Variants in ZFYVE26 observed in about 807,000 individuals in gnomAD.
ZFYVE26 encodes zinc finger FYVE-type containing 26.
A neutral mutation model predicts 276.5 loss-of-function variants in ZFYVE26; 181 were observed. The ratio of observed to expected loss-of-function variants is 0.65; its 90% CI spans 0.58 to 0.74. The LOEUF (loss-of-function observed/expected upper bound fraction) is 0.74, where lower values mean the gene tolerates loss of function less well. Among genes scored for constraint, ZFYVE26 ranks in the 30% least tolerant of loss-of-function variants. ZFYVE26 has a pLI of 0.00. For missense variants in ZFYVE26, 2,821 were observed against 3,097.9 expected, an observed-to-expected ratio of 0.91 and a Z score of 2.12; for synonymous variants, 1,129 against 1,203.1, an observed-to-expected ratio of 0.94 and a Z score of 1.27.
intron 10 of ZFYVE26, among the ~76,000 whole-genome samples, chr14:67,800,272 A>G (rs1327394645): frequency 6.6e-6 from 1 of 152,234 alleles, no homozygotes; most frequent in Non-Finnish European, 1.5e-5. Flanking sequence ...AGGGGAAAAC[A>G]ATAGCCCTGG....
intron 19 of ZFYVE26, 43 bp from the exon 20 acceptor site, chr14:67,784,479 G>C: frequency 6.4e-7 from 1 of 1,561,564 alleles, no homozygotes; most frequent in Non-Finnish European, 8.8e-7. Flanking sequence ...ACCACTGACT[G>C]CAAGAGTTCA....
chr14:67,769,186 T>G (rs2039137449), intron 29 of ZFYVE26, among the ~76,000 whole-genome samples: 1 of 152,210 alleles, frequency 6.6e-6, no homozygotes, highest in African/African-American at 2.4e-5. Flanking sequence ...AATGACTACC[T>G]AGATCAGAGT....
intron 13 of ZFYVE26, among the ~76,000 whole-genome samples, chr14:67,738,378 C>G (rs1043598999): frequency 3.4e-5 from 5 of 147,796 alleles, no homozygotes; most frequent in Non-Finnish European, 6.0e-5. Context: ...TAAATATATA[C>G]TTATAAAATA....
chr14:67,783,027 C>G lies in ZFYVE26; in HGVS notation c.4125G>C (p.Glu1375Asp). ...LFEAFLLAAW[E>D]PLRGSLQQGQ... ...CCTGCTGCAAAGACCCTCGCAGGGG[C>G]TCCCAGGCAGCCAGGAGGAAGGCCT... Residue 1375 changes from glutamate (E) to aspartate (D), a missense_variant, in exon 21 of 42, where the codon GAG (glutamate) becomes GAC (aspartate). Coordinates refer to ENST00000347230, the MANE Select transcript of ZFYVE26 (RefSeq NM_015346.4). 1 of 1,614,216 alleles carries G rather than the reference C, an allele frequency of 6.2e-7. No homozygotes were observed. The highest frequency in any genetic ancestry group is 8.5e-7 in the Non-Finnish European group (1 of 1,180,042).
chr14:67,802,644 C>T (rs1029239784), intron 9 of ZFYVE26, among the ~76,000 whole-genome samples: 1 of 151,992 alleles, frequency 6.6e-6, no homozygotes, highest in African/African-American at 2.4e-5. Flanking sequence ...CTCTTTTTTG[C>T]CTTTTTGAAG....
intron 32 of ZFYVE26, among the ~76,000 whole-genome samples, chr14:67,763,949 C>T (rs904477896): frequency 6.6e-6 from 1 of 152,120 alleles, no homozygotes; most frequent in African/African-American, 2.4e-5. Context: ...CTGGTCAGTG[C>T]ACAGGCCACA....
intron 35 of ZFYVE26, among the ~76,000 whole-genome samples, chr14:67,758,064 G>C (rs1241225714): frequency 6.6e-6 from 1 of 152,090 alleles, no homozygotes; most frequent in African/African-American, 2.4e-5. Context: ...AATAGTCCTT[G>C]GCTATTTAAT....
chr14:67,762,671 C>T lies in ZFYVE26; in HGVS notation c.6159+1G>A, dbSNP rs896655703. The T allele has an allele frequency of 7.4e-6, 12 of 1,613,416 alleles. No homozygotes were observed. Among genetic ancestry groups the T allele is most frequent in the Non-Finnish European group, 8.5e-6 (10 of 1,180,026 alleles). On this transcript the variant is annotated splice_donor_variant, in intron 33 of 41. Coordinates refer to ENST00000347230, the MANE Select transcript of ZFYVE26 (RefSeq NM_015346.4). LOFTEE classifies it high-confidence loss of function. ...AAGCTTTGTCTTTGTCTTTGTCTCACCTCAACGCCCAGTTGGTAGTACTCG... is the reference window on the plus strand; with the variant it reads ...AAGCTTTGTCTTTGTCTTTGTCTCATCTCAACGCCCAGTTGGTAGTACTCG...
rs567091417 is a variant in ZFYVE26, at chr14:67,773,374, G to A, written c.5321-1164C>T. On this transcript the variant is annotated intron_variant, in intron 27 of 41. Transcript: ENST00000347230. ...GAGACCAGCCTAGGCAACAAAGCAA[G>A]ATCCTGTCTCTACAAAAAATAAAAT... Among the ~76,000 whole-genome samples, 8 of 151,996 alleles carry A rather than the reference G, an allele frequency of 5.3e-5. No individual in the cohort carries two copies. In the South Asian group the frequency reaches 1.2e-3, roughly 24 times the overall value.
At chr14:67,769,828 C>T (rs1443352591) in intron 28 of ZFYVE26, 98 bp from the exon 29 acceptor site, 2 of 1,538,892 alleles carry the variant, frequency 1.3e-6, no homozygotes, top group Admixed American at 1.7e-5. Context: ...GTGGCTTATA[C>T]TTTCTAAGAA....
chr14:67,733,612 T>C (rs1246018461), intron 13 of ZFYVE26: 1 of 632,088 alleles, frequency 1.6e-6, no homozygotes, highest in East Asian at 3.3e-5. Context: ...GAGTGCATTT[T>C]GTATAATTAG....
chr14:67,753,247 G>A (rs2038695576), intron 39 of ZFYVE26, among the ~76,000 whole-genome samples: 1 of 152,130 alleles, frequency 6.6e-6, no homozygotes, highest in African/African-American at 2.4e-5. Flanking sequence ...TGGTCTCAGT[G>A]CCCTGCTCCA....
intron 2 of ZFYVE26, 122 bp from the exon 3 acceptor site, chr14:67,814,186 T>G: frequency 2.6e-6 from 2 of 776,304 alleles, no homozygotes; most frequent in Non-Finnish European, 4.5e-6. Flanking sequence ...GACACTGCCC[T>G]AATGAGATAT....
chr14:67,802,125 G>T lies in ZFYVE26; in HGVS notation c.1593C>A (p.Asp531Glu), dbSNP rs1474271581. 3.7e-6 allele frequency: 6 copies of T among 1,613,890 alleles called. No homozygotes were observed. Among genetic ancestry groups the T allele is most frequent in the Non-Finnish European group, 3.4e-6 (4 of 1,180,036 alleles). Residue 531 changes from aspartate (D) to glutamate (E), a missense_variant, in exon 10 of 42, where the codon GAC becomes GAA. Physicochemically the swap from Asp to Glu is conservative, Grantham distance 45. Coordinates refer to ENST00000347230, the MANE Select transcript of ZFYVE26 (RefSeq NM_015346.4). Reference protein sequence around the residue: ...CQDCKDSLSEDLASATEPAND... With the variant: ...CQDCKDSLSEELASATEPAND... ...TCGCTGGCTCTGTAGCTGAGGCCAG[G>T]TCCTCAGAGAGGCTGTCTTTGCAGT... is the stretch of plus-strand genomic sequence containing the variant.
At chr14:67,783,631 C>T (rs1332780371) in intron 20 of ZFYVE26, 106 bp from the exon 21 acceptor site, 10 of 1,417,380 alleles carry the variant, frequency 7.1e-6, no homozygotes, top group Non-Finnish European at 9.7e-6. Context: ...ATAAAAGTTC[C>T]TAATTGTCAC....
chr14:67,770,064 T>C, intron 28 of ZFYVE26: 1 of 360,442 alleles, frequency 2.8e-6, no homozygotes, highest in African/African-American at 2.1e-5. Flanking sequence ...CATTTCTACA[T>C]GGTATTGATG....
chr14:67,802,214 A>G lies in ZFYVE26; in HGVS notation c.1504T>C (p.Cys502Arg), dbSNP rs1035299180. ...CQNLTLYQGF[C>R]AMKYAIYALC... ...GCATAGATGGCATACTTCATGGCAC[A>G]GAAGCCCTGGTAGAGTGTCAGGTTC... The change falls in exon 10 of 42, where the codon TGT (cysteine) becomes CGT (arginine). Residue 502 changes from cysteine (C) to arginine (R), a missense_variant. By Grantham distance (180) the Cys-to-Arg change is radical. Coordinates refer to ENST00000347230, the MANE Select transcript of ZFYVE26 (RefSeq NM_015346.4). The G allele has an allele frequency of 2.5e-6, 4 of 1,614,138 alleles. No individual in the cohort carries two copies. In the African/African-American group the frequency reaches 5.3e-5, roughly 22 times the overall value.
Position 67,807,649 on chromosome 14 carries a change from G to T in ZFYVE26, c.635C>A (p.Pro212His), listed in dbSNP as rs1301974259. 2 of 1,614,040 alleles carry T rather than the reference G, an allele frequency of 1.2e-6. No individual in the cohort carries two copies. Reference sequence around the variant, plus strand: ...TCCATAGATGGCATCGACTACCCCAGGGGGCACCGAATCAGGGCCCTGCAA... The same window carrying T: ...TCCATAGATGGCATCGACTACCCCATGGGGCACCGAATCAGGGCCCTGCAA... Reference protein sequence around the residue: ...RALQGPDSVPPGVVDAIYGAL... With the variant: ...RALQGPDSVPHGVVDAIYGAL... The change falls in exon 5 of 42, where the codon CCT becomes CAT. Residue 212 changes from proline to histidine, a missense_variant. Coordinates refer to ENST00000347230, the MANE Select transcript of ZFYVE26 (RefSeq NM_015346.4).
intron 41 of ZFYVE26, among the ~76,000 whole-genome samples, chr14:67,749,911 T>A (rs1351743392): frequency 6.6e-6 from 1 of 152,204 alleles, no homozygotes; most frequent in Non-Finnish European, 1.5e-5. Flanking sequence ...TGGAGTTGAA[T>A]GAAGTTGTTT....
Sources: allele counts gnomAD v4.1 joint callset (sites outside exome capture counted in the v4.1 genomes callset), GRCh38; gene constraint gnomAD v4.1.1; transcripts MANE v1.5; gene names NCBI Gene and HGNC (gene_info 2026-07-23, HGNC 2026-07-21).